NOL4: variants seen among roughly 807,000 people sequenced by gnomAD.
NOL4 encodes cancer/testis antigen 125.
Under a neutral mutation model 75.9 loss-of-function variants are expected in NOL4, and 17 were observed. The ratio of observed to expected loss-of-function variants is 0.22; its 90% CI spans 0.15 to 0.34. The LOEUF (loss-of-function observed/expected upper bound fraction) is 0.34. NOL4 is among the 10% of genes least tolerant of loss of function. NOL4 has a pLI of 1.00. For missense variants in NOL4, 614 were observed against 793.5 expected (o/e 0.77, Z 2.72); for synonymous variants, 292 against 289.9 (o/e 1.01, Z -0.07).
At chr18:33,880,305 C>CTGCGTG (rs2064185878) in intron 10 of NOL4, among the ~76,000 whole-genome samples, 1 of 144,394 alleles carries the variant, frequency 6.9e-6, no homozygotes, top group Non-Finnish European at 1.5e-5. Context: ...CAAAAGGGGT[C>CTGCGTG]TGTGTGTGTG....
rs186684589 is a variant in NOL4 at position 33,971,035 on chromosome 18, T to C, written c.1057-12617A>G. ...CTTCAAAGGACAGACCTTTTCATTT[T>C]GACTAGGTGTCGGTGAGATACAAAT... is the stretch of plus-strand genomic sequence containing the variant. On this transcript the variant is annotated intron_variant, in intron 6 of 10. Transcript: ENST00000261592. Among the ~76,000 whole-genome samples, 6 of 152,318 alleles carry C rather than the reference T, an allele frequency of 3.9e-5. No individual in the cohort carries two copies. In the East Asian group the frequency reaches 1.2e-3, roughly 29 times the overall value.
At chr18:33,943,308 T>C (rs1257944752) in intron 8 of NOL4, 130 bp from the exon 9 acceptor site, 3 of 624,680 alleles carry the variant, frequency 4.8e-6, no homozygotes, top group Admixed American at 5.9e-5. Flanking sequence ...ACTGAACTTG[T>C]TTCAATAGAA....
At chr18:34,026,676 T>C (rs953228117) in intron 5 of NOL4, among the ~76,000 whole-genome samples, 3 of 152,160 alleles carry the variant, frequency 2.0e-5, no homozygotes, top group Admixed American at 6.6e-5. Context: ...TTGATATTAT[T>C]ATAAACGATA....
At chr18:33,960,377 A>G (rs2070011263) in intron 6 of NOL4, among the ~76,000 whole-genome samples, 2 of 152,126 alleles carry the variant, frequency 1.3e-5, no homozygotes, top group Admixed American at 6.6e-5. Context: ...TCTGGAATAT[A>G]TTTATTTTAG....
At chr18:33,987,611 T>C (rs563086853) in intron 6 of NOL4, among the ~76,000 whole-genome samples, 1 of 152,250 alleles carries the variant, frequency 6.6e-6, no homozygotes, top group East Asian at 1.9e-4. Context: ...AAAGCAACGA[T>C]AACTGCAGGA....
intron 6 of NOL4, among the ~76,000 whole-genome samples, chr18:33,975,222 GA>G (rs1486908289): frequency 5.3e-5 from 8 of 152,198 alleles, no homozygotes; most frequent in Non-Finnish European, 1.0e-4. Context: ...TCTGCAAGAT[GA>G]AAAGGTTCTG....
At chr18:33,881,657 C>T (rs1274195554) in intron 10 of NOL4, among the ~76,000 whole-genome samples, 3 of 152,048 alleles carry the variant, frequency 2.0e-5, no homozygotes, top group African/African-American at 7.2e-5. Context: ...TCAATGCCAT[C>T]CCCATCAAGC....
intron 9 of NOL4, among the ~76,000 whole-genome samples, chr18:33,939,360 C>G (rs995513997): frequency 2.0e-5 from 3 of 152,110 alleles, no homozygotes; most frequent in African/African-American, 7.2e-5. Context: ...CTATAAATTA[C>G]TTTGGGCAGT....
At chr18:34,140,893 A>C (rs1174342194) in intron 1 of NOL4, among the ~76,000 whole-genome samples, 2 of 151,970 alleles carry the variant, frequency 1.3e-5, no homozygotes, top group Non-Finnish European at 2.9e-5. Context: ...AAAATCTCTC[A>C]GCATTTGCTT....
At chr18:34,043,628 T>A (rs767860235) in intron 5 of NOL4, among the ~76,000 whole-genome samples, 19 of 152,098 alleles carry the variant, frequency 1.2e-4, no homozygotes, top group Non-Finnish European at 2.5e-4. Flanking sequence ...TGATCTTTCT[T>A]AGCATCAGTT....
intron 5 of NOL4, among the ~76,000 whole-genome samples, chr18:34,057,040 T>G (rs2076861178): frequency 6.6e-6 from 1 of 152,200 alleles, no homozygotes; most frequent in Non-Finnish European, 1.5e-5. Context: ...CTTCTCTAGC[T>G]TCAGGCATAG....
At chr18:33,952,902 C>T (rs1568118222) in intron 8 of NOL4, among the ~76,000 whole-genome samples, 1 of 152,094 alleles carries the variant, frequency 6.6e-6, no homozygotes, top group South Asian at 2.1e-4. Context: ...CCAGCCTGGG[C>T]AACAAGAGTG....
In NOL4 at chr18:34,209,410, A is replaced by T. The variant is rs2036360124; in HGVS notation, c.264+13580T>A. On this transcript the variant is annotated intron_variant, in intron 1 of 10. Coordinates refer to ENST00000261592, the MANE Select transcript of NOL4 (RefSeq NM_003787.5). ...ATATGCTAGGTATTATATTTTTTAA[A>T]ATAATCCATTCATTAGGCATGATGA... Among the ~76,000 whole-genome samples, 4 of 152,156 alleles carry T rather than the reference A, an allele frequency of 2.6e-5. No individual in the cohort carries two copies. The South Asian group carries it at 8.3e-4, about 31-fold the overall frequency.
At chr18:34,015,838 C>T (rs372320018) in intron 6 of NOL4, among the ~76,000 whole-genome samples, 3 of 152,084 alleles carry the variant, frequency 2.0e-5, no homozygotes, top group African/African-American at 4.8e-5. Context: ...TAAACGGATT[C>T]GTCATCCACT....
chr18:34,217,166 T>G lies in NOL4; in HGVS notation c.264+5824A>C, dbSNP rs1396749271. 4.6e-5 allele frequency among the ~76,000 whole-genome samples: 7 copies of G among 152,308 alleles called. No individual in the cohort carries two copies. In the East Asian group the frequency reaches 1.2e-3, roughly 25 times the overall value. On this transcript the variant is annotated intron_variant, in intron 1 of 10. Transcript: ENST00000261592. ...TAACTTTTTTAAAAAACTGAGACAG[T>G]ATCACTTTTACAATAACAGTCATTT...
chr18:34,213,473 A>G (rs1273665452), intron 1 of NOL4, among the ~76,000 whole-genome samples: 1 of 152,084 alleles, frequency 6.6e-6, no homozygotes, highest in Non-Finnish European at 1.5e-5. Context: ...TATTTTTAGT[A>G]GAGCCGGGGT....
At chr18:34,084,010 C>A (rs1568320528) in intron 5 of NOL4, among the ~76,000 whole-genome samples, 1 of 152,164 alleles carries the variant, frequency 6.6e-6, no homozygotes, top group Non-Finnish European at 1.5e-5. Flanking sequence ...GTGGAGGCTG[C>A]AGAGCAGCAA....
intron 8 of NOL4, 34 bp downstream of exon 8, chr18:33,957,292 G>A: frequency 6.8e-6 from 10 of 1,460,102 alleles, no homozygotes; most frequent in Non-Finnish European, 7.3e-6. Context: ...GGATTTTGAT[G>A]GAGTCTAGGG....
intron 10 of NOL4, among the ~76,000 whole-genome samples, chr18:33,859,036 A>G (rs2062968623): frequency 1.3e-5 from 2 of 151,924 alleles, no homozygotes. Context: ...ATCTTGTCAT[A>G]TTTTTAAAAA....
Sources: gnomAD v4.1 joint callset for allele counts (sites outside exome capture counted in the v4.1 genomes callset) on GRCh38, gnomAD v4.1.1 for gene constraint, MANE v1.5 for transcripts, NCBI Gene and HGNC (gene_info 2026-07-23, HGNC 2026-07-21) for gene names.